The following TSPAN15 variants were observed in gnomAD, a reference collection of about 807,000 sequenced individuals.
TSPAN15 encodes the protein tetraspanin 15.
In TSPAN15, 20 loss-of-function variants were observed where a neutral mutation model predicts 34.5. The observed-to-expected ratio is 0.58, with a 90% CI of 0.41 to 0.84. The LOEUF is 0.84. Among genes scored for constraint, TSPAN15 ranks in the 40% least tolerant of loss-of-function variants. TSPAN15 has a pLI of 0.00. For synonymous variants in TSPAN15, 155 were observed against 153.9 expected (o/e 1.01, Z -0.05); for missense variants, 313 against 386.1 (o/e 0.81, Z 1.59).
intron 2 of TSPAN15, among the ~76,000 whole-genome samples, chr10:69,484,718 T>G (rs1027461844): frequency 2.0e-5 from 3 of 152,074 alleles, no homozygotes; most frequent in Non-Finnish European, 4.4e-5. Flanking sequence ...TCACCCACTG[T>G]GGGGGATCTG....
intron 5 of TSPAN15, among the ~76,000 whole-genome samples, chr10:69,499,960 G>A (rs766477506): frequency 3.1e-4 from 47 of 152,152 alleles, no homozygotes; most frequent in Non-Finnish European, 6.2e-4. Context: ...GTACCCCGAA[G>A]GCCACAGGCA....
intron 1 of TSPAN15, among the ~76,000 whole-genome samples, chr10:69,476,566 C>CAA (rs34169685): frequency 0.037 from 3,594 of 97,264 alleles, 170 homozygotes; most frequent in African/African-American, 0.13. Flanking sequence ...CAAAGGGTCT[C>CAA]AAAAAAAAAA....
At chr10:69,533,493 A>G in the TSPAN15 span, among the ~76,000 whole-genome samples, 3 of 152,164 alleles carry the variant, frequency 2.0e-5, no homozygotes, top group African/African-American at 7.2e-5. Context: ...AGAATGATAC[A>G]ATGGACTTTG....
At chr10:69,480,762 A>G (rs1215259345) in intron 1 of TSPAN15, among the ~76,000 whole-genome samples, 1 of 152,050 alleles carries the variant, frequency 6.6e-6, no homozygotes, top group Non-Finnish European at 1.5e-5. Flanking sequence ...CAGTGGTGCA[A>G]TCTCGGCTCA....
chr10:69,535,402 C>T, the TSPAN15 span, among the ~76,000 whole-genome samples: 1 of 152,132 alleles, frequency 6.6e-6, no homozygotes, highest in African/African-American at 2.4e-5. Flanking sequence ...ATGCTTAACC[C>T]ATGAGTTAAT....
the TSPAN15 span, among the ~76,000 whole-genome samples, chr10:69,548,481 C>T: frequency 3.3e-5 from 5 of 152,202 alleles, no homozygotes; most frequent in African/African-American, 1.2e-4. Flanking sequence ...TAACAGTTTT[C>T]AGACAATGGA....
At chr10:69,492,643 C>T (rs902357609) in intron 3 of TSPAN15, among the ~76,000 whole-genome samples, 4 of 146,978 alleles carry the variant, frequency 2.7e-5, no homozygotes, top group South Asian at 2.1e-4. Context: ...GCCCAGGAGG[C>T]GGGATGGTTT....
chr10:69,528,183 G>A, the TSPAN15 span, among the ~76,000 whole-genome samples: 6 of 148,374 alleles, frequency 4.0e-5, no homozygotes, highest in Non-Finnish European at 8.9e-5. Context: ...CTGCCGCGGG[G>A]CAGGCAGCTT....
chr10:69,456,073 T>C (rs1236982297), intron 1 of TSPAN15, among the ~76,000 whole-genome samples: 1 of 150,506 alleles, frequency 6.6e-6, no homozygotes, highest in Non-Finnish European at 1.5e-5. Context: ...ACTTAATATG[T>C]TTATTTAAAT....
the TSPAN15 span, among the ~76,000 whole-genome samples, chr10:69,516,147 G>A: frequency 6.6e-6 from 1 of 152,180 alleles, no homozygotes; most frequent in African/African-American, 2.4e-5. Flanking sequence ...CTCTCATTCG[G>A]TCACTATGTA....
chr10:69,530,046 T>G, the TSPAN15 span, among the ~76,000 whole-genome samples: 4 of 148,186 alleles, frequency 2.7e-5, no homozygotes. Flanking sequence ...CAGAGTAATA[T>G]TCCATGGTGT....
chr10:69,530,818 C>CA, the TSPAN15 span, among the ~76,000 whole-genome samples: 1 of 42,560 alleles, frequency 2.3e-5, no homozygotes, highest in African/African-American at 9.3e-5. Flanking sequence ...CTCTCTCTCT[C>CA]TCTATATATA....
intron 1 of TSPAN15, among the ~76,000 whole-genome samples, chr10:69,459,139 A>G (rs900325913): frequency 1.3e-5 from 2 of 148,946 alleles, no homozygotes; most frequent in Non-Finnish European, 3.0e-5. Flanking sequence ...CAACAAAACA[A>G]CCTTTCCCAG....
At chr10:69,478,229 G>C (rs1228406413) in intron 1 of TSPAN15, among the ~76,000 whole-genome samples, 1 of 152,188 alleles carries the variant, frequency 6.6e-6, no homozygotes, top group Non-Finnish European at 1.5e-5. Context: ...CAGGCAGGAT[G>C]GGCCTCGGGA....
chr10:69,451,526 C>A lies in TSPAN15; in HGVS notation c.-69C>A, dbSNP rs1255429200. ...AGCCCGGCAGCCGCAGGTGGGGCCA[C>A]GAGCGCTGGCTGAGGGACCGAGCCG... On this transcript the variant is annotated 5_prime_UTR_variant, in exon 1 of 8. Coordinates refer to ENST00000373290, the MANE Select transcript of TSPAN15 (RefSeq NM_012339.5). 1.5e-6 allele frequency: 2 copies of A among 1,293,122 alleles called. No individual in the cohort carries two copies. Among genetic ancestry groups the A allele is most frequent in the Non-Finnish European group, 2.0e-6 (2 of 1,018,298 alleles). 80.1% of individuals were successfully genotyped at this position (1,293,122 alleles called of 1,614,324 possible). A position where few individuals can be genotyped will look rare whatever the true frequency, so the allele number is the denominator to read the frequency against.
At chr10:69,486,097 A>T (rs186034197) in intron 3 of TSPAN15, among the ~76,000 whole-genome samples, 5 of 152,224 alleles carry the variant, frequency 3.3e-5, no homozygotes, top group Admixed American at 3.3e-4. Context: ...TTATTAGGGG[A>T]CACCTAGCTC....
intron 4 of TSPAN15, among the ~76,000 whole-genome samples, chr10:69,497,719 G>A (rs927484733): frequency 1.3e-5 from 2 of 152,162 alleles, no homozygotes; most frequent in Non-Finnish European, 2.9e-5. Context: ...GCCATCAGGA[G>A]GGTTACCAAC....
At position 69,451,678 on chromosome 10, in the gene TSPAN15, C is replaced by T; in HGVS notation, c.84C>T (p.Ser28=). Residue 28 remains serine (S), a synonymous_variant, in exon 1 of 8, where the codon TCC becomes TCT. Transcript: ENST00000373290. ...LWLKFSLIIY[S]TVFWLIGALV... is the part of the protein sequence containing the mutation. ...TCAAGTTTTCACTTATCATCTATTC[C>T]ACCGTGTTCTGGGTGAGTGACCCCA... is the stretch of plus-strand genomic sequence containing the variant. 1.3e-6 allele frequency: 2 copies of T among 1,532,456 alleles called. No individual in the cohort carries two copies. Among genetic ancestry groups the T allele is most frequent in the Non-Finnish European group, 8.8e-7 (1 of 1,137,282 alleles). The allele number at this position is 1,532,456 out of a possible 1,614,324, so 94.9% of individuals were successfully genotyped here.
At position 69,480,766 on chromosome 10, in the gene TSPAN15, C is replaced by T. The variant is rs917048942; in HGVS notation, c.97-2925C>T. ...AGGCTAGAGTGCAGTGGTGCAATCT[C>T]GGCTCACTGCAACCTCTGCCTCCCT... On this transcript the variant is annotated intron_variant, in intron 1 of 7. Coordinates refer to ENST00000373290, the MANE Select transcript of TSPAN15 (RefSeq NM_012339.5). Among the ~76,000 whole-genome samples the T allele has an allele frequency of 4.6e-5, 7 of 152,106 alleles. No homozygotes were observed. The East Asian group carries it at 5.8e-4, about 13-fold the overall frequency.
Sources: gnomAD v4.1 joint callset for allele counts (sites outside exome capture counted in the v4.1 genomes callset) on GRCh38, gnomAD v4.1.1 for gene constraint, MANE v1.5 for transcripts, NCBI Gene and HGNC (gene_info 2026-07-23, HGNC 2026-07-21) for gene names.